Variants in COL26A1 observed in about 807,000 individuals in gnomAD.
COL26A1 encodes collagen type XXVI alpha 1 chain, also known as collagen alpha-1(XXVI) chain.
In COL26A1, 41 loss-of-function variants were observed where a neutral mutation model predicts 59.3. The observed-to-expected ratio is 0.69, with a 90% CI of 0.54 to 0.90. The LOEUF (loss-of-function observed/expected upper bound fraction) is 0.90. Ranked by LOEUF, COL26A1 falls within the 40% of genes least tolerant of loss-of-function variation. The probability of loss-of-function intolerance (pLI) is 0.00; values close to 1 mark genes in which losing one functional copy is unlikely to be tolerated. For missense variants in COL26A1, 612 were observed against 602.3 expected (o/e 1.02, Z -0.17); for synonymous variants, 266 against 256.0 (o/e 1.04, Z -0.37).
intron 2 of COL26A1, among the ~76,000 whole-genome samples, chr7:101,427,721 G>T (rs1037369947): frequency 6.6e-6 from 1 of 151,836 alleles, no homozygotes; most frequent in Non-Finnish European, 1.5e-5. Context: ...GCCGAGGCTG[G>T]TCTTGAACTC....
chr7:101,540,167 G>T, intron 5 of COL26A1, 118 bp downstream of exon 5: 1 of 1,095,194 alleles, frequency 9.1e-7, no homozygotes, highest in Non-Finnish European at 1.3e-6. Flanking sequence ...CATGCCATGT[G>T]GCATTTTGAA....
Position 101,489,723 on chromosome 7 carries a change from TTC to T in COL26A1, c.385+41946_385+41947del, listed in dbSNP as rs1483082538. Among the ~76,000 whole-genome samples the T allele has an allele frequency of 3.8e-5, 4 of 104,238 alleles. 1 individual carries two copies. The highest frequency in any genetic ancestry group is 7.2e-5 in the Non-Finnish European group (4 of 55,894). 68.4% of individuals were successfully genotyped at this position (104,238 alleles called of 152,430 possible). On this transcript the variant is annotated intron_variant, in intron 3 of 12. Coordinates refer to ENST00000313669, the MANE Select transcript of COL26A1 (RefSeq NM_001278563.3). ...TGTCTTTCTTTCTTTCATTCTTTCT[TTC>T]TCTCTCTCTTTCTCTCTTTCTTTCT...
chr7:101,425,937 C>T (rs1453963943), intron 2 of COL26A1, among the ~76,000 whole-genome samples: 6 of 151,760 alleles, frequency 4.0e-5, no homozygotes, highest in African/African-American at 1.5e-4. Flanking sequence ...AGCGATTGTC[C>T]TACCCCAGAC....
At chr7:101,377,833 G>A (rs1476699496) in intron 1 of COL26A1, among the ~76,000 whole-genome samples, 1 of 152,194 alleles carries the variant, frequency 6.6e-6, no homozygotes, top group East Asian at 1.9e-4. Flanking sequence ...ATGAGGAAAT[G>A]TGTTTAGTAG....
In COL26A1 at chr7:101,377,628, C is replaced by T. The variant is rs539073658; in HGVS notation, c.158+14438C>T. 1.2e-4 allele frequency among the ~76,000 whole-genome samples: 19 copies of T among 152,030 alleles called. No homozygotes were observed. In the South Asian group the frequency reaches 3.7e-3, roughly 30 times the overall value. On this transcript the variant is annotated intron_variant, in intron 1 of 12. Transcript: ENST00000313669. ...TTTTTGTAAAGACTGGGTCTTGCAACGTTGCCCAAGCTGGTCTTGAACTCC... is the reference window on the plus strand; with the variant it reads ...TTTTTGTAAAGACTGGGTCTTGCAATGTTGCCCAAGCTGGTCTTGAACTCC...
At chr7:101,371,965 C>T (rs1320223868) in intron 1 of COL26A1, among the ~76,000 whole-genome samples, 2 of 152,102 alleles carry the variant, frequency 1.3e-5, no homozygotes, top group African/African-American at 4.8e-5. Context: ...TCAGTTTTCT[C>T]ATCTGTAAAA....
At chr7:101,455,472 T>C (rs1793446614) in intron 3 of COL26A1, among the ~76,000 whole-genome samples, 1 of 151,596 alleles carries the variant, frequency 6.6e-6, no homozygotes, top group Non-Finnish European at 1.5e-5. Context: ...AATTGCACTG[T>C]ACATGCTGTT....
chr7:101,439,025 G>A (rs1367749736), intron 2 of COL26A1, among the ~76,000 whole-genome samples: 3 of 152,142 alleles, frequency 2.0e-5, no homozygotes, highest in African/African-American at 7.2e-5. Context: ...TGGGCATGTA[G>A]AACATTTTCC....
intron 3 of COL26A1, among the ~76,000 whole-genome samples, chr7:101,507,952 T>G (rs1181867700): frequency 6.6e-6 from 1 of 152,200 alleles, no homozygotes; most frequent in Non-Finnish European, 1.5e-5. Context: ...TGCCATCTGC[T>G]GGAAAACTGC....
At chr7:101,406,907 A>G (rs749932654) in intron 1 of COL26A1, among the ~76,000 whole-genome samples, 1 of 152,136 alleles carries the variant, frequency 6.6e-6, no homozygotes, top group Non-Finnish European at 1.5e-5. Flanking sequence ...CTAGAATTGC[A>G]TCACTGCACT....
chr7:101,533,980 C>T (rs569801251), intron 4 of COL26A1, among the ~76,000 whole-genome samples: 38 of 152,348 alleles, frequency 2.5e-4, no homozygotes, highest in African/African-American at 8.4e-4. Flanking sequence ...GGGGCGCCAA[C>T]AGTGTCTGCC....
At chr7:101,435,114 CAGG>C (rs1350136842) in intron 2 of COL26A1, among the ~76,000 whole-genome samples, 1 of 152,156 alleles carries the variant, frequency 6.6e-6, no homozygotes, top group Non-Finnish European at 1.5e-5. Context: ...CACCTGAGAT[CAGG>C]AGTTCGAGAC....
At chr7:101,402,078 C>A (rs531645134) in intron 1 of COL26A1, among the ~76,000 whole-genome samples, 1 of 152,252 alleles carries the variant, frequency 6.6e-6, no homozygotes, top group African/African-American at 2.4e-5. Flanking sequence ...CCGGGCCTGA[C>A]CTTTGCAGGG....
intron 3 of COL26A1, among the ~76,000 whole-genome samples, chr7:101,516,099 CCCTGGGTTGGCCA>C (rs1405216154): frequency 1.3e-5 from 2 of 152,152 alleles, no homozygotes; most frequent in Non-Finnish European, 2.9e-5. Flanking sequence ...CTGGTTTTAG[CCCTGGGTTGGCCA>C]CCATTCAAAT....
Position 101,543,992 on chromosome 7 carries a change from C to T in COL26A1, c.605-6C>T. The T allele has an allele frequency of 6.4e-7, 1 of 1,552,792 alleles. No individual in the cohort carries two copies. On this transcript the variant is annotated splice_polypyrimidine_tract_variant and splice_region_variant and intron_variant, in intron 5 of 12. Coordinates refer to ENST00000313669, the MANE Select transcript of COL26A1 (RefSeq NM_001278563.3). ...GTTCTGATGCCCTGTCTCCTTCTCT[C>T]CCCAGGGCCCCCGGGGCAGACAGGA...
At chr7:101,433,929 C>T (rs1204249027) in intron 2 of COL26A1, among the ~76,000 whole-genome samples, 1 of 152,068 alleles carries the variant, frequency 6.6e-6, no homozygotes, top group African/African-American at 2.4e-5. Context: ...AGGTGCTCAA[C>T]AATGTTCATT....
intron 3 of COL26A1, among the ~76,000 whole-genome samples, chr7:101,502,894 G>C (rs891940988): frequency 4.6e-5 from 7 of 152,164 alleles, no homozygotes; most frequent in Admixed American, 1.3e-4. Flanking sequence ...TTCTCTAAGG[G>C]GCGGGAGCTG....
chr7:101,525,168 ATTC>A (rs1270435034), intron 3 of COL26A1, among the ~76,000 whole-genome samples: 2 of 115,520 alleles, frequency 1.7e-5, no homozygotes, highest in African/African-American at 6.8e-5. Flanking sequence ...GTTTGACTTC[ATTC>A]TTTTTTTTTT....
intron 3 of COL26A1, among the ~76,000 whole-genome samples, chr7:101,506,636 G>A (rs1254956734): frequency 3.3e-5 from 5 of 152,200 alleles, no homozygotes; most frequent in African/African-American, 9.7e-5. Flanking sequence ...CCTAGCCTCC[G>A]TGTTCCTAAC....
Sources: gnomAD v4.1 joint callset for allele counts (sites outside exome capture counted in the v4.1 genomes callset) on GRCh38, gnomAD v4.1.1 for gene constraint, MANE v1.5 for transcripts, NCBI Gene and HGNC (gene_info 2026-07-23, HGNC 2026-07-21) for gene names.